SGK1: variants seen among roughly 807,000 people sequenced by gnomAD.
SGK1 encodes the protein serum/glucocorticoid regulated kinase 1, also known as serine/threonine-protein kinase Sgk1.
In SGK1, 26 loss-of-function variants were observed where a neutral mutation model predicts 64.2. The observed-to-expected ratio is 0.40, with a 90% CI of 0.30 to 0.56. The LOEUF is 0.56. Ranked by LOEUF, SGK1 falls within the 20% of genes least tolerant of loss-of-function variation. The pLI is 0.38. For missense variants in SGK1, 519 were observed against 645.6 expected (o/e 0.80, Z 2.12); for synonymous variants, 265 against 239.7 (o/e 1.11, Z -0.98).
chr6:134,297,883 T>C (rs1777385632), intron 1 of SGK1: 1 of 802,888 alleles, frequency 1.2e-6, no homozygotes, highest in South Asian at 1.3e-5. Context: ...ATCTGGTACA[T>C]GCTCTCAGCC....
intron 3 of SGK1, among the ~76,000 whole-genome samples, chr6:134,197,769 T>C (rs971190250): frequency 4.0e-5 from 6 of 150,696 alleles, no homozygotes; most frequent in African/African-American, 1.5e-4. Flanking sequence ...GAGGTTGCAG[T>C]GAACTGAGAT....
At chr6:134,245,911 A>C (rs534316486) in intron 2 of SGK1, among the ~76,000 whole-genome samples, 3 of 152,216 alleles carry the variant, frequency 2.0e-5, no homozygotes, top group Non-Finnish European at 4.4e-5. Flanking sequence ...CACTTGTTCT[A>C]TAAGAGTTAC....
chr6:134,189,260 A>T (rs1196679373), intron 3 of SGK1, among the ~76,000 whole-genome samples: 2 of 151,874 alleles, frequency 1.3e-5, no homozygotes, highest in Non-Finnish European at 2.9e-5. Context: ...ATATATAAAT[A>T]TACACATATA....
intron 1 of SGK1, among the ~76,000 whole-genome samples, chr6:134,308,976 G>A (rs182481654): frequency 6.6e-6 from 1 of 152,296 alleles, no homozygotes; most frequent in East Asian, 1.9e-4. Context: ...AGAACCACAT[G>A]ACCAGTCATT....
intron 3 of SGK1, among the ~76,000 whole-genome samples, chr6:134,191,834 G>GCTTTTTTTTT (rs1491153978): frequency 5.8e-5 from 1 of 17,302 alleles, no homozygotes; most frequent in African/African-American, 1.7e-4. Flanking sequence ...ACGCCCGGCT[G>GCTTTTTTTTT]ATTTTTTTTT....
At chr6:134,281,438 G>T (rs1777093317) in intron 1 of SGK1, among the ~76,000 whole-genome samples, 2 of 151,470 alleles carry the variant, frequency 1.3e-5, no homozygotes, top group Non-Finnish European at 2.9e-5. Flanking sequence ...GCATTTAAAA[G>T]AAAAATACAT....
intron 2 of SGK1, among the ~76,000 whole-genome samples, chr6:134,223,871 A>G (rs1776129078): frequency 6.6e-6 from 1 of 152,218 alleles, no homozygotes. Flanking sequence ...ACTGTACAGT[A>G]TTTAATGGTC....
chr6:134,202,720 G>C (rs915678882), intron 3 of SGK1, among the ~76,000 whole-genome samples: 1 of 152,044 alleles, frequency 6.6e-6, no homozygotes, highest in Non-Finnish European at 1.5e-5. Flanking sequence ...AATGATACCA[G>C]AGAGAAACAG....
chr6:134,254,757 GAAGA>G (rs1391208477), intron 2 of SGK1, among the ~76,000 whole-genome samples: 2 of 152,004 alleles, frequency 1.3e-5, no homozygotes, highest in Non-Finnish European at 2.9e-5. Flanking sequence ...ATACAGACAA[GAAGA>G]AAGAAATACA....
chr6:134,228,318 A>G (rs141664460), intron 2 of SGK1, among the ~76,000 whole-genome samples: 32 of 152,236 alleles, frequency 2.1e-4, no homozygotes, highest in African/African-American at 7.0e-4. Flanking sequence ...TACTGTTTTT[A>G]TTATGAATTT....
chr6:134,175,594 T>C, intron 3 of SGK1: 1 of 1,570,724 alleles, frequency 6.4e-7, no homozygotes, highest in Non-Finnish European at 8.6e-7. Context: ...CTCGGCCCTC[T>C]TTTTGTGGCG....
At chr6:134,280,648 TC>T (rs1201495481) in intron 1 of SGK1, among the ~76,000 whole-genome samples, 1 of 152,204 alleles carries the variant, frequency 6.6e-6, no homozygotes, top group African/African-American at 2.4e-5. Flanking sequence ...GATAAATATT[TC>T]ACTGGACATC....
intron 1 of SGK1, among the ~76,000 whole-genome samples, chr6:134,299,179 A>G (rs1777408808): frequency 6.9e-6 from 1 of 145,396 alleles, no homozygotes; most frequent in African/African-American, 2.6e-5. Context: ...ACCCAGGGAA[A>G]CCTCATCCTT....
In SGK1 at chr6:134,232,413, G is replaced by GAAAAGAAAGAAAGAGAGAA. The variant is rs79009962; in HGVS notation, c.286-24983_286-24982insTTCTCTCTTTCTTTCTTTT. On this transcript the variant is annotated intron_variant, in intron 2 of 13. Transcript: ENST00000367858. ...AAAAGAAAGAAGAAAAAGAAAGAAAGAGAAAGAAAGAAAGAAAGAAAGAAA... is the reference window on the plus strand; with the variant it reads ...AAAAGAAAGAAGAAAAAGAAAGAAAGAAAAGAAAGAAAGAGAGAAAGAAAGAAAGAAAGAAAGAAAGAAA... Among the ~76,000 whole-genome samples the GAAAAGAAAGAAAGAGAGAA allele has an allele frequency of 6.4e-3, 304 of 47,776 alleles. 36 individuals are homozygous for GAAAAGAAAGAAAGAGAGAA. Among genetic ancestry groups the GAAAAGAAAGAAAGAGAGAA allele is most frequent in the East Asian group, 0.02 (28 of 1,398 alleles). 31.3% of individuals were successfully genotyped at this position (47,776 alleles called of 152,430 possible).
chr6:134,229,297 C>T (rs1421691393), intron 2 of SGK1, among the ~76,000 whole-genome samples: 1 of 152,090 alleles, frequency 6.6e-6, no homozygotes, highest in Non-Finnish European at 1.5e-5. Flanking sequence ...CAAGAATAAG[C>T]CTGTATCCTG....
chr6:134,240,069 A>G (rs1156909636), intron 2 of SGK1, among the ~76,000 whole-genome samples: 1 of 152,134 alleles, frequency 6.6e-6, no homozygotes, highest in Non-Finnish European at 1.5e-5. Context: ...TGATGTGCGG[A>G]TCACTTGAGG....
intron 3 of SGK1, among the ~76,000 whole-genome samples, chr6:134,198,724 C>CTTTTTTTT (rs1459010325): frequency 2.4e-3 from 156 of 65,802 alleles, no homozygotes; most frequent in African/African-American, 4.2e-3. Context: ...TTCTCTTTTT[C>CTTTTTTTT]TATTTTTTTT....
At chr6:134,313,920 G>T (rs1336374767) in intron 1 of SGK1, among the ~76,000 whole-genome samples, 1 of 152,168 alleles carries the variant, frequency 6.6e-6, no homozygotes, top group Non-Finnish European at 1.5e-5. Context: ...CCTTTAGCTG[G>T]ACTGACAACT....
At chr6:134,299,363 T>TCAAACAAAA (rs938579646) in intron 1 of SGK1, among the ~76,000 whole-genome samples, 1 of 151,984 alleles carries the variant, frequency 6.6e-6, no homozygotes, top group South Asian at 2.1e-4. Context: ...AGACCTTATC[T>TCAAACAAAA]CAAACAAAAC....
Sources: gnomAD v4.1 joint callset for allele counts (sites outside exome capture counted in the v4.1 genomes callset) on GRCh38, gnomAD v4.1.1 for gene constraint, MANE v1.5 for transcripts, NCBI Gene and HGNC (gene_info 2026-07-23, HGNC 2026-07-21) for gene names.